Variants in PAK3 observed in about 807,000 individuals in gnomAD.
The protein encoded by PAK3 is serine/threonine-protein kinase PAK 3.
Under a neutral mutation model 41.0 loss-of-function variants are expected in PAK3, and 4 were observed. The ratio of observed to expected loss-of-function variants is 0.10; its 90% CI spans 0.05 to 0.22. The LOEUF is 0.22. Ranked by LOEUF, PAK3 falls within the 10% of genes least tolerant of loss-of-function variation. The pLI is 1.00. For synonymous variants in PAK3, 146 were observed against 139.6 expected, an observed-to-expected ratio of 1.05 and a Z score of -0.32; for missense variants, 205 against 409.9, an observed-to-expected ratio of 0.50 and a Z score of 4.32.
chrX:111,179,694 C>T (rs372536580), intron 11 of PAK3, among the ~76,000 whole-genome samples: 18 of 111,660 alleles, frequency 1.6e-4, no homozygotes, highest in South Asian at 3.7e-4. Flanking sequence ...TGTTGTATAT[C>T]GTAAGTCTGT....
chrX:111,167,750 G>A (rs963015780), intron 10 of PAK3, among the ~76,000 whole-genome samples: 6 of 109,902 alleles, frequency 5.5e-5, no homozygotes, highest in African/African-American at 9.9e-5. Context: ...GGGAGGGATA[G>A]CATTAGGAGA....
intron 6 of PAK3, among the ~76,000 whole-genome samples, chrX:111,147,093 A>G (rs2093954546): frequency 9.0e-6 from 1 of 110,770 alleles, no homozygotes; most frequent in African/African-American, 3.3e-5. Flanking sequence ...GCCCTGGAGA[A>G]AGCTGCAGGG....
chrX:110,983,974 AT>A (rs1486042664), intron 1 of PAK3, among the ~76,000 whole-genome samples: 2 of 111,448 alleles, frequency 1.8e-5, no homozygotes, highest in African/African-American at 6.5e-5. Context: ...CCTTGAAAAT[AT>A]TTACTGAATT....
chrX:110,950,095 G>C (rs1436097525), intron 1 of PAK3, among the ~76,000 whole-genome samples: 2 of 110,171 alleles, frequency 1.8e-5, no homozygotes, highest in East Asian at 2.9e-4. Context: ...TGGACATTGT[G>C]GGGGAGTGGC....
rs2092155985 is a variant in PAK3, at chrX:111,020,169, G to A, written c.-28+75541G>A. Among the ~76,000 whole-genome samples the A allele has an allele frequency of 2.7e-5, 3 of 112,025 alleles. No individual in the cohort carries two copies. In the South Asian group the frequency reaches 1.1e-3, roughly 42 times the overall value. On this transcript the variant is annotated intron_variant, in intron 1 of 14. Transcript: ENST00000425146. The stretch of plus-strand genomic sequence containing the variant: ...TAGCTAAAAGTTAGAAGCATCCCAA[G>A]TGTGCACCAACAGATGAATAAAGAA...
chrX:111,208,977 T>C (rs1204320627), intron 16 of PAK3, among the ~76,000 whole-genome samples: 1 of 110,167 alleles, frequency 9.1e-6, no homozygotes, highest in Non-Finnish European at 1.9e-5. Context: ...GTGGGCAATA[T>C]ACAATACTGT....
intron 11 of PAK3, among the ~76,000 whole-genome samples, chrX:111,181,391 A>G (rs772289986): frequency 1.6e-4 from 18 of 111,597 alleles, no homozygotes; most frequent in Admixed American, 4.8e-4. Context: ...TGTCAATCAT[A>G]TCATTATATA....
upstream of PAK3, among the ~76,000 whole-genome samples, chrX:111,092,358 C>T (rs182984688): frequency 3.6e-5 from 4 of 111,673 alleles, no homozygotes; most frequent in East Asian, 1.1e-3. Flanking sequence ...TCTTTTATTC[C>T]CAGAGTGTCC....
chrX:111,192,015 A>G (rs1321216081), intron 11 of PAK3, 112 bp from the exon 12 acceptor site: 6 of 501,908 alleles, frequency 1.2e-5, no homozygotes, highest in Non-Finnish European at 2.1e-5. Context: ...CTTACCTCAT[A>G]ATTTTGAGTT....
At chrX:111,171,364 C>T (rs1218369256) in intron 10 of PAK3, among the ~76,000 whole-genome samples, 1 of 110,462 alleles carries the variant, frequency 9.1e-6, no homozygotes, top group Non-Finnish European at 1.9e-5. Context: ...GAAAGGTGGG[C>T]CAGAGGCCTC....
At chrX:111,016,289 T>C (rs1184838842) in intron 1 of PAK3, among the ~76,000 whole-genome samples, 3 of 111,717 alleles carry the variant, frequency 2.7e-5, no homozygotes, top group African/African-American at 6.5e-5. Flanking sequence ...ATAGAAAACA[T>C]GGGGCCTTCT....
intron 11 of PAK3, among the ~76,000 whole-genome samples, chrX:111,183,787 C>G (rs2094482653): frequency 9.0e-6 from 1 of 111,610 alleles, no homozygotes; most frequent in South Asian, 3.8e-4. Flanking sequence ...ACCCTTCAGG[C>G]TAGATGCCAG....
intron 1 of PAK3, among the ~76,000 whole-genome samples, chrX:110,962,521 C>G (rs1052671169): frequency 5.3e-5 from 6 of 112,583 alleles, no homozygotes; most frequent in African/African-American, 1.9e-4. Flanking sequence ...ACCATGCAAA[C>G]CTTACTTGTT....
At chrX:111,209,976 A>G (rs185918534) in intron 16 of PAK3, among the ~76,000 whole-genome samples, 1 of 112,038 alleles carries the variant, frequency 8.9e-6, no homozygotes, top group Non-Finnish European at 1.9e-5. Context: ...TTCTCTTAGT[A>G]CTTAGGTAAA....
rs979368423 is a variant in PAK3, at chrX:110,972,931, A to T, written c.-28+28303A>T. Among the ~76,000 whole-genome samples, 5 of 112,034 alleles carry T rather than the reference A, an allele frequency of 4.5e-5. No homozygotes were observed. In the East Asian group the frequency reaches 1.4e-3, roughly 31 times the overall value. On this transcript the variant is annotated intron_variant, in intron 1 of 14. Coordinates refer to the PAK3 transcript ENST00000425146. The stretch of plus-strand genomic sequence containing the variant: ...TCGTGACGCATGCACAAGCTTCAAT[A>T]GCCGATTCGATCAAGTGGAAGAAAG...
intron 4 of PAK3, among the ~76,000 whole-genome samples, chrX:111,115,637 G>A (rs1194458290): frequency 2.7e-5 from 3 of 112,028 alleles, no homozygotes; most frequent in African/African-American, 6.5e-5. Context: ...AAAAGTATGG[G>A]CATGTAAACA....
intron 11 of PAK3, among the ~76,000 whole-genome samples, chrX:111,187,701 T>C (rs2094523871): frequency 9.0e-6 from 1 of 111,316 alleles, no homozygotes; most frequent in African/African-American, 3.3e-5. Flanking sequence ...TGCAGAAATA[T>C]GTTGGGAGTG....
At chrX:110,988,806 G>A (rs2091592352) in intron 1 of PAK3, among the ~76,000 whole-genome samples, 2 of 111,827 alleles carry the variant, frequency 1.8e-5, no homozygotes, top group Admixed American at 1.9e-4. Flanking sequence ...AGTTAGGGAG[G>A]CGGCTGCAGG....
chrX:110,955,222 T>C (rs989291683), intron 1 of PAK3, among the ~76,000 whole-genome samples: 10 of 112,235 alleles, frequency 8.9e-5, no homozygotes, highest in African/African-American at 3.2e-4. Flanking sequence ...CCTAACCTAA[T>C]GCCCTTTTTG....
Sources: allele counts gnomAD v4.1 joint callset (sites outside exome capture counted in the v4.1 genomes callset), GRCh38; gene constraint gnomAD v4.1.1; transcripts MANE v1.5; gene names NCBI Gene and HGNC (gene_info 2026-07-23, HGNC 2026-07-21).